The following ST3GAL4 variants were observed in gnomAD, a reference collection of about 807,000 sequenced individuals.
ST3GAL4 encodes the protein CMP-N-acetylneuraminate-beta-galactosamide-alpha-2,3-sialyltransferase 4.
In ST3GAL4, 24 loss-of-function variants were observed where a neutral mutation model predicts 42.6. The observed-to-expected ratio is 0.56, with a 90% confidence interval of 0.41 to 0.79. The LOEUF is 0.79. Among genes scored for constraint, ST3GAL4 ranks in the 30% least tolerant of loss-of-function variants. The probability of loss-of-function intolerance (pLI) is 0.00; values close to 1 mark genes in which losing one functional copy is unlikely to be tolerated. For missense variants in ST3GAL4, 311 were observed against 430.8 expected (o/e 0.72, Z 2.46); for synonymous variants, 135 against 163.2 (o/e 0.83, Z 1.32).
At chr11:126,401,045 G>C (rs530381990) in intron 1 of ST3GAL4, among the ~76,000 whole-genome samples, 3 of 152,278 alleles carry the variant, frequency 2.0e-5, no homozygotes, top group Non-Finnish European at 4.4e-5. Context: ...GGAGTGAGGA[G>C]AGAGTCCAGC....
At chr11:126,368,696 C>T (rs1952525382) in intron 1 of ST3GAL4, among the ~76,000 whole-genome samples, 1 of 152,160 alleles carries the variant, frequency 6.6e-6, no homozygotes, top group East Asian at 1.9e-4. Flanking sequence ...AGAAGGGTAT[C>T]CTTGTGAGTA....
Position 126,396,594 on chromosome 11 carries a change from G to A in ST3GAL4, c.-60-9502G>A, listed in dbSNP as rs1953776424. On this transcript the variant is annotated intron_variant, in intron 1 of 10. Transcript: ENST00000444328. This position sits in a 1 kb window ranked among gnomAD's most constrained non-coding sequence, Gnocchi z 5.8. ...CTCGACAGGCTCTTCGTCACTGTGCGGAGCCTTCGAAGGACTTGGATGTGC... is the reference window on the plus strand; with the variant it reads ...CTCGACAGGCTCTTCGTCACTGTGCAGAGCCTTCGAAGGACTTGGATGTGC... Among the ~76,000 whole-genome samples, 2 of 151,928 alleles carry A rather than the reference G, an allele frequency of 1.3e-5. No individual in the cohort carries two copies. Among genetic ancestry groups the A allele is most frequent in the South Asian group, 2.1e-4 (1 of 4,822 alleles).
intron 8 of ST3GAL4, 145 bp downstream of exon 8, chr11:126,408,641 T>G: frequency 1.0e-6 from 1 of 958,630 alleles, no homozygotes; most frequent in South Asian, 1.6e-5. Flanking sequence ...AGTCAGCGCC[T>G]TAGGCTGCCC....
chr11:126,405,139 G>T (rs1187345793), intron 1 of ST3GAL4, among the ~76,000 whole-genome samples: 1 of 152,220 alleles, frequency 6.6e-6, no homozygotes, highest in African/African-American at 2.4e-5. Flanking sequence ...GTGGTCCAAA[G>T]GACTCTTCTG....
At chr11:126,408,564 G>T in intron 8 of ST3GAL4, 68 bp downstream of exon 8, 2 of 1,554,976 alleles carry the variant, frequency 1.3e-6, no homozygotes, top group East Asian at 2.3e-5. Context: ...AGGACCTCAC[G>T]CTCCTTGATG....
At position 126,396,771 on chromosome 11, in the gene ST3GAL4, C is replaced by T. The variant is rs1039436303; in HGVS notation, c.-60-9325C>T. Among the ~76,000 whole-genome samples, 12 of 150,554 alleles carry T rather than the reference C, an allele frequency of 8.0e-5. No individual in the cohort carries two copies. The highest frequency in any genetic ancestry group is 2.9e-4 in the African/African-American group (12 of 40,888). On this transcript the variant is annotated intron_variant, in intron 1 of 10. Coordinates refer to ENST00000444328, the MANE Select transcript of ST3GAL4 (RefSeq NM_001254757.2). The surrounding 1 kb of genome is among the most constrained non-coding windows in gnomAD (Gnocchi z 5.8). Reference sequence around the variant, plus strand: ...AGCCAGAATTCCAGTGCCAGCTCCACTCCTCACGAGCTGTACAACCTGGGC... The same window carrying T: ...AGCCAGAATTCCAGTGCCAGCTCCATTCCTCACGAGCTGTACAACCTGGGC...
Position 126,397,545 on chromosome 11 carries a change from C to A in ST3GAL4, c.-60-8551C>A, listed in dbSNP as rs139780095. ...AGTCAAGCCTTCGTAGGAGAGGAAC[C>A]ATTTCAGCCCGATATTACCAGAGTG... is the stretch of plus-strand genomic sequence containing the variant. On this transcript the variant is annotated intron_variant, in intron 1 of 10. Transcript: ENST00000444328. The surrounding 1 kb of genome is among the most constrained non-coding windows in gnomAD (Gnocchi z 5.0). Among the ~76,000 whole-genome samples, 6 of 152,278 alleles carry A rather than the reference C, an allele frequency of 3.9e-5. No individual in the cohort carries two copies. The East Asian group carries it at 1.2e-3, about 29-fold the overall frequency.
At position 126,384,652 on chromosome 11, in the gene ST3GAL4, A is replaced by T. The variant is rs1953145467; in HGVS notation, c.-60-21444A>T. The T allele has an allele frequency of 1.0e-6, 1 of 984,102 alleles. No individual in the cohort carries two copies. Among genetic ancestry groups the T allele is most frequent in the African/African-American group, 1.7e-5 (1 of 57,192 alleles). The allele number at this position is 984,102 out of a possible 1,614,324, so 61.0% of individuals were successfully genotyped here. A position where few individuals can be genotyped will look rare whatever the true frequency, so the allele number is the denominator to read the frequency against. On this transcript the variant is annotated intron_variant, in intron 1 of 10. Transcript: ENST00000444328. This position sits in a 1 kb window ranked among gnomAD's most constrained non-coding sequence, Gnocchi z 5.5. ...ACCAACTCCAGGATGTGCTACACCCAGACAGACAGATGGAGAGCCACCTCC... is the reference window on the plus strand; with the variant it reads ...ACCAACTCCAGGATGTGCTACACCCTGACAGACAGATGGAGAGCCACCTCC...
rs1952312919 is a variant in ST3GAL4, at chr11:126,363,350, C to T, written c.-61+7508C>T. Among the ~76,000 whole-genome samples the T allele has an allele frequency of 6.6e-6, 1 of 152,166 alleles. No homozygotes were observed. The highest frequency in any genetic ancestry group is 2.1e-4 in the South Asian group (1 of 4,824). On this transcript the variant is annotated intron_variant, in intron 1 of 10. Coordinates refer to ENST00000444328, the MANE Select transcript of ST3GAL4 (RefSeq NM_001254757.2). The surrounding 1 kb of genome is among the most constrained non-coding windows in gnomAD (Gnocchi z 4.6). ...CTCTCCTTGCCCTTGCTTCTCTGAT[C>T]TGCCTTTTTTCTCCAGCCTCAGCAT...
intron 1 of ST3GAL4, among the ~76,000 whole-genome samples, chr11:126,403,791 C>T (rs931925679): frequency 6.6e-6 from 1 of 152,142 alleles, no homozygotes; most frequent in East Asian, 1.9e-4. Flanking sequence ...TAGTTCTAGC[C>T]ATGCAGCAGG....
chr11:126,407,368 C>G lies in ST3GAL4; in HGVS notation c.280+19C>G. The G allele has an allele frequency of 6.2e-7, 1 of 1,610,970 alleles. No individual in the cohort carries two copies. The highest frequency in any genetic ancestry group is 8.5e-7 in the Non-Finnish European group (1 of 1,177,134). Reference sequence around the variant, plus strand: ...GGGAGTGGTAAGTTCCTACCCGGCTCGTGGGAACCATGGGCTCACCCTGAC... The same window carrying G: ...GGGAGTGGTAAGTTCCTACCCGGCTGGTGGGAACCATGGGCTCACCCTGAC... On this transcript the variant is annotated intron_variant, in intron 5 of 10. Coordinates refer to ENST00000444328, the MANE Select transcript of ST3GAL4 (RefSeq NM_001254757.2).
At position 126,400,645 on chromosome 11, in the gene ST3GAL4, G is replaced by A. The variant is rs1953959105; in HGVS notation, c.-60-5451G>A. Among the ~76,000 whole-genome samples, 1 of 152,186 alleles carries A rather than the reference G, an allele frequency of 6.6e-6. No homozygotes were observed. The highest frequency in any genetic ancestry group is 1.5e-5 in the Non-Finnish European group (1 of 68,044). ...TGCGGAGTGAGTGAAGCAAGAGGGT[G>A]ATTTGATCCATATCATTTCTTAGAA... On this transcript the variant is annotated intron_variant, in intron 1 of 10. Coordinates refer to ENST00000444328, the MANE Select transcript of ST3GAL4 (RefSeq NM_001254757.2). The surrounding 1 kb of genome is among the most constrained non-coding windows in gnomAD (Gnocchi z 4.6).
intron 1 of ST3GAL4, among the ~76,000 whole-genome samples, chr11:126,389,044 C>T (rs1414881887): frequency 1.3e-5 from 2 of 152,124 alleles, no homozygotes; most frequent in East Asian, 1.9e-4. Flanking sequence ...TCCCACAGTG[C>T]TGGGATTACA....
intron 1 of ST3GAL4, among the ~76,000 whole-genome samples, chr11:126,381,061 C>T (rs1242902898): frequency 1.3e-5 from 2 of 152,232 alleles, no homozygotes; most frequent in Non-Finnish European, 2.9e-5. Context: ...TGCATGTGCA[C>T]AGCCCCTCCC....
chr11:126,406,752 C>G lies in ST3GAL4; in HGVS notation c.102-191C>G, dbSNP rs2135544592. On this transcript the variant is annotated intron_variant, in intron 3 of 10. Transcript: ENST00000444328. This position sits in a 1 kb window ranked among gnomAD's most constrained non-coding sequence, Gnocchi z 5.4. ...AGGGCCTGGGATGTCTCACTGGGCCCTCACCCAGGGAGTGCAGGGGCAGGA... is the reference window on the plus strand; with the variant it reads ...AGGGCCTGGGATGTCTCACTGGGCCGTCACCCAGGGAGTGCAGGGGCAGGA... 1.1e-6 allele frequency: 1 copy of G among 950,910 alleles called. No individual in the cohort carries two copies. Among genetic ancestry groups the G allele is most frequent in the East Asian group, 2.6e-5 (1 of 38,572 alleles). 58.9% of individuals were successfully genotyped at this position (950,910 alleles called of 1,614,324 possible). A position where few individuals can be genotyped will look rare whatever the true frequency, so the allele number is the denominator to read the frequency against.
rs7952602 is a variant in ST3GAL4, at chr11:126,363,774, G to A, written c.-61+7932G>A. 6.6e-6 allele frequency among the ~76,000 whole-genome samples: 1 copy of A among 152,010 alleles called. No individual in the cohort carries two copies. Among genetic ancestry groups the A allele is most frequent in the Non-Finnish European group, 1.5e-5 (1 of 67,980 alleles). ...CTCTTTCTCCCAGGGGAAGCTGCTC[G>A]AATGAGGGGAGTTGGCCAACACAGT... is the stretch of plus-strand genomic sequence containing the variant. On this transcript the variant is annotated intron_variant, in intron 1 of 10. Transcript: ENST00000444328. This position sits in a 1 kb window ranked among gnomAD's most constrained non-coding sequence, Gnocchi z 4.6.
In ST3GAL4 at chr11:126,392,884, G is replaced by A. The variant is rs1000628567; in HGVS notation, c.-60-13212G>A. ...ACTGTGGCTGGGAGGAGAGGAGGCC[G>A]GAAGAGAGGTCTGGGCTTGGGTCCC... On this transcript the variant is annotated intron_variant, in intron 1 of 10. Coordinates refer to ENST00000444328, the MANE Select transcript of ST3GAL4 (RefSeq NM_001254757.2). This position sits in a 1 kb window ranked among gnomAD's most constrained non-coding sequence, Gnocchi z 5.8. Among the ~76,000 whole-genome samples, 7 of 152,072 alleles carry A rather than the reference G, an allele frequency of 4.6e-5. No individual in the cohort carries two copies. The highest frequency in any genetic ancestry group is 7.4e-5 in the Non-Finnish European group (5 of 68,020).
In ST3GAL4 at chr11:126,383,459, G is replaced by A. The variant is rs1349588266; in HGVS notation, c.-60-22637G>A. 6.6e-5 allele frequency among the ~76,000 whole-genome samples: 10 copies of A among 152,252 alleles called. No homozygotes were observed. In the East Asian group the frequency reaches 1.4e-3, roughly 21 times the overall value. On this transcript the variant is annotated intron_variant, in intron 1 of 10. Coordinates refer to ENST00000444328, the MANE Select transcript of ST3GAL4 (RefSeq NM_001254757.2). This position sits in a 1 kb window ranked among gnomAD's most constrained non-coding sequence, Gnocchi z 4.5. Reference sequence around the variant, plus strand: ...GCAGCAGCAGCTGAGCCCAGCCCCCGGCCAGCCCTGAGGAATGGGGGAAAA... The same window carrying A: ...GCAGCAGCAGCTGAGCCCAGCCCCCAGCCAGCCCTGAGGAATGGGGGAAAA...
chr11:126,406,295 T>G lies in ST3GAL4; in HGVS notation c.16+124T>G. 1 of 1,543,974 alleles carries G rather than the reference T, an allele frequency of 6.5e-7. No homozygotes were observed. The highest frequency in any genetic ancestry group is 8.7e-7 in the Non-Finnish European group (1 of 1,143,948). ...AGGGAGCCAGGGGCCCTTCTCTTCA[T>G]CTTGAAGGACAGTGGGTACAATCAG... is the stretch of plus-strand genomic sequence containing the variant. On this transcript the variant is annotated intron_variant, in intron 2 of 10. Coordinates refer to ENST00000444328, the MANE Select transcript of ST3GAL4 (RefSeq NM_001254757.2). The surrounding 1 kb of genome is among the most constrained non-coding windows in gnomAD (Gnocchi z 5.4).
Sources: gnomAD v4.1 joint callset for allele counts (sites outside exome capture counted in the v4.1 genomes callset) on GRCh38, gnomAD v4.1.1 for gene constraint, Gnocchi (gnomAD v3.1) non-coding constraint, MANE v1.5 for transcripts, NCBI Gene and HGNC (gene_info 2026-07-23, HGNC 2026-07-21) for gene names.